MVB12B: variants seen among roughly 807,000 people sequenced by gnomAD.
MVB12B encodes ESCRT-I complex subunit MVB12B.
A neutral mutation model predicts 41.6 loss-of-function variants in MVB12B; 16 were observed. That is an observed-to-expected ratio of 0.38 (90% CI 0.26 to 0.58). The LOEUF is 0.58. Among genes scored for constraint, MVB12B ranks in the 20% least tolerant of loss-of-function variants. MVB12B has a pLI of 0.62. For synonymous variants in MVB12B, 133 were observed against 139.7 expected, an observed-to-expected ratio of 0.95 and a Z score of 0.34; for missense variants, 274 against 380.2, an observed-to-expected ratio of 0.72 and a Z score of 2.32.
chr9:126,465,392 G>A (rs1833177887), intron 7 of MVB12B, among the ~76,000 whole-genome samples: 1 of 152,086 alleles, frequency 6.6e-6, no homozygotes, highest in South Asian at 2.1e-4. Context: ...AGAACCCCTG[G>A]GGTTGGGGGT....
At chr9:126,337,868 G>T (rs927178295) in intron 1 of MVB12B, among the ~76,000 whole-genome samples, 2 of 152,258 alleles carry the variant, frequency 1.3e-5, no homozygotes, top group African/African-American at 4.8e-5. Context: ...CTTAGCCGCG[G>T]GGCCATCCTT....
chr9:126,478,863 G>A lies in MVB12B; in HGVS notation c.758-2506G>A, dbSNP rs1175450754. 6.6e-6 allele frequency among the ~76,000 whole-genome samples: 1 copy of A among 152,164 alleles called. No homozygotes were observed. Among genetic ancestry groups the A allele is most frequent in the African/African-American group, 2.4e-5 (1 of 41,434 alleles). ...ATCCCTAGACATACAGTGACATGTAGATAGAAACAACTGTCACCAGTGAGA... is the reference window on the plus strand; with the variant it reads ...ATCCCTAGACATACAGTGACATGTAAATAGAAACAACTGTCACCAGTGAGA... On this transcript the variant is annotated intron_variant, in intron 7 of 9. Coordinates refer to ENST00000361171, the MANE Select transcript of MVB12B (RefSeq NM_033446.3). The surrounding 1 kb of genome is among the most constrained non-coding windows in gnomAD (Gnocchi z 4.2).
intron 7 of MVB12B, among the ~76,000 whole-genome samples, chr9:126,431,264 G>A (rs142924027): frequency 5.6e-4 from 86 of 152,302 alleles, no homozygotes; most frequent in African/African-American, 1.4e-3. Context: ...ATTCTGTCAC[G>A]CATCACCACT....
At chr9:126,434,055 G>T (rs1832401480) in intron 7 of MVB12B, among the ~76,000 whole-genome samples, 1 of 152,178 alleles carries the variant, frequency 6.6e-6, no homozygotes, top group Admixed American at 6.5e-5. Flanking sequence ...CAGAATGAAT[G>T]CATTTAACTG....
At chr9:126,358,422 A>T (rs535698072) in intron 2 of MVB12B, among the ~76,000 whole-genome samples, 2 of 152,100 alleles carry the variant, frequency 1.3e-5, no homozygotes, top group Admixed American at 1.3e-4. Flanking sequence ...TCTTAACAAT[A>T]TTAAGTCTTC....
At chr9:126,359,476 G>A (rs559792924) in intron 2 of MVB12B, among the ~76,000 whole-genome samples, 6 of 152,158 alleles carry the variant, frequency 3.9e-5, no homozygotes, top group South Asian at 2.1e-4. Context: ...TGTTTATTTG[G>A]TATTATTTAT....
intron 2 of MVB12B, among the ~76,000 whole-genome samples, chr9:126,375,363 CTTTTTT>C (rs35585049): frequency 1.9e-5 from 2 of 105,210 alleles, no homozygotes; most frequent in East Asian, 2.8e-4. Flanking sequence ...TAAATTGATT[CTTTTTT>C]TTTTTTTTTT....
At chr9:126,328,989 C>T (rs1829057833) in intron 1 of MVB12B, among the ~76,000 whole-genome samples, 1 of 151,986 alleles carries the variant, frequency 6.6e-6, no homozygotes, top group Non-Finnish European at 1.5e-5. Context: ...TGCTATGTTG[C>T]CCAAGCTGGT....
chr9:126,335,016 A>C (rs1829235305), intron 1 of MVB12B, among the ~76,000 whole-genome samples: 1 of 152,234 alleles, frequency 6.6e-6, no homozygotes, highest in South Asian at 2.1e-4. Flanking sequence ...CATAAGGCAG[A>C]TTGAATACAC....
rs1201225865 is a variant in MVB12B at position 126,367,766 on chromosome 9, A to G, written c.205-13298A>G. Among the ~76,000 whole-genome samples the G allele has an allele frequency of 1.3e-5, 2 of 152,222 alleles. No homozygotes were observed. The highest frequency in any genetic ancestry group is 2.9e-5 in the Non-Finnish European group (2 of 68,034). ...GTTACTATTGCAGTCTTGTTTTACA[A>G]GTAAGAAAGCAAAGCCTCTGAGAGC... On this transcript the variant is annotated intron_variant, in intron 2 of 9. Transcript: ENST00000361171. This position sits in a 1 kb window ranked among gnomAD's most constrained non-coding sequence, Gnocchi z 4.3.
At position 126,424,531 on chromosome 9, in the gene MVB12B, T is replaced by C. The variant is rs1386582006; in HGVS notation, c.757+2583T>C. ...TTGCTGCTTGAATGCCTGTGGTGTC[T>C]GGGACCACCACCTCCTACCAGCCCA... On this transcript the variant is annotated intron_variant, in intron 7 of 9. Coordinates refer to ENST00000361171, the MANE Select transcript of MVB12B (RefSeq NM_033446.3). 3.3e-5 allele frequency among the ~76,000 whole-genome samples: 5 copies of C among 152,350 alleles called. No homozygotes were observed. The East Asian group carries it at 9.6e-4, about 29-fold the overall frequency.
In MVB12B at chr9:126,464,501, T is replaced by C. The variant is rs1217567702; in HGVS notation, c.758-16868T>C. 3.9e-5 allele frequency among the ~76,000 whole-genome samples: 6 copies of C among 152,250 alleles called. No individual in the cohort carries two copies. The East Asian group carries it at 9.7e-4, about 24-fold the overall frequency. On this transcript the variant is annotated intron_variant, in intron 7 of 9. Coordinates refer to ENST00000361171, the MANE Select transcript of MVB12B (RefSeq NM_033446.3). Reference sequence around the variant, plus strand: ...TGACCCTATAAGCTTTAGGAGACATTGAAGTTTTTAAGTAAAGGAATGGTA... The same window carrying C: ...TGACCCTATAAGCTTTAGGAGACATCGAAGTTTTTAAGTAAAGGAATGGTA...
At chr9:126,377,829 T>C (rs1830522568) in intron 2 of MVB12B, among the ~76,000 whole-genome samples, 1 of 152,220 alleles carries the variant, frequency 6.6e-6, no homozygotes. Flanking sequence ...GAGGACTTTT[T>C]GAATCCTGAT....
chr9:126,446,218 A>G (rs1832762113), intron 7 of MVB12B, among the ~76,000 whole-genome samples: 1 of 152,042 alleles, frequency 6.6e-6, no homozygotes, highest in Non-Finnish European at 1.5e-5. Flanking sequence ...TTAATGTAGT[A>G]TAATATTTTT....
intron 2 of MVB12B, among the ~76,000 whole-genome samples, chr9:126,374,239 A>G (rs1456729637): frequency 1.3e-5 from 2 of 152,236 alleles, no homozygotes; most frequent in Admixed American, 6.5e-5. Context: ...TTAATATGAC[A>G]ACTTTATTTC....
In MVB12B at chr9:126,406,832, CT is replaced by C. The variant is rs895735946; in HGVS notation, c.662+11146del. The stretch of plus-strand genomic sequence containing the variant: ...ATGAAAGTTAGTTTCCTTTCTTCAT[CT>C]TTTTTTTTTTATTAAGTAATCAGTG... On this transcript the variant is annotated intron_variant, in intron 6 of 9. Transcript: ENST00000361171. Among the ~76,000 whole-genome samples the C allele has an allele frequency of 1.5e-3, 216 of 145,502 alleles. 1 individual carries two copies. The highest frequency in any genetic ancestry group is 5.9e-3 in the South Asian group (27 of 4,610).
rs540211732 is a variant in MVB12B at position 126,503,295 on chromosome 9, G to A, written c.*32G>A. 3.4e-5 allele frequency: 52 copies of A among 1,529,994 alleles called. No individual in the cohort carries two copies. The highest frequency in any genetic ancestry group is 2.4e-4 in the Admixed American group (12 of 50,812). The allele number at this position is 1,529,994 out of a possible 1,614,324, so 94.8% of individuals were successfully genotyped here. On this transcript the variant is annotated 3_prime_UTR_variant, in exon 10 of 10. Coordinates refer to ENST00000361171, the MANE Select transcript of MVB12B (RefSeq NM_033446.3). Reference sequence around the variant, plus strand: ...AGCGGCCACCTGCGGGGAGACCACCGCCGCCCAGACTACTGACGGCAGGGG... The same window carrying A: ...AGCGGCCACCTGCGGGGAGACCACCACCGCCCAGACTACTGACGGCAGGGG...
chr9:126,362,840 A>G (rs1282148115), intron 2 of MVB12B, among the ~76,000 whole-genome samples: 1 of 152,150 alleles, frequency 6.6e-6, no homozygotes, highest in Non-Finnish European at 1.5e-5. Flanking sequence ...CCCCCACCTC[A>G]TTTTATTTTT....
chr9:126,395,788 T>C lies in MVB12B; in HGVS notation c.662+91T>C. ...CACCACCACTTAGTGTCTGCTGAAA[T>C]ACTGCAAAGTACAGCTGAATAATTG... On this transcript the variant is annotated intron_variant, in intron 6 of 9. Coordinates refer to ENST00000361171, the MANE Select transcript of MVB12B (RefSeq NM_033446.3). This position sits in a 1 kb window ranked among gnomAD's most constrained non-coding sequence, Gnocchi z 4.9. The C allele has an allele frequency of 2.6e-6, 4 of 1,551,054 alleles. No individual in the cohort carries two copies. Among genetic ancestry groups the C allele is most frequent in the Non-Finnish European group, 3.5e-6 (4 of 1,150,940 alleles).
Sources: allele counts gnomAD v4.1 joint callset (sites outside exome capture counted in the v4.1 genomes callset), GRCh38; gene constraint gnomAD v4.1.1; non-coding constraint Gnocchi (gnomAD v3.1); transcripts MANE v1.5; gene names NCBI Gene and HGNC (gene_info 2026-07-23, HGNC 2026-07-21).